RAB15: variants seen among roughly 807,000 people sequenced by gnomAD.
RAB15 encodes the protein RAB15, member RAS oncogene family.
RAB15 carries 13 observed loss-of-function variants against 31.8 expected under a neutral mutation model. The ratio of observed to expected loss-of-function variants is 0.41; its 90% CI spans 0.27 to 0.65. RAB15 has a LOEUF of 0.65. Among genes scored for constraint, RAB15 ranks in the 30% least tolerant of loss-of-function variants. The probability of loss-of-function intolerance (pLI) is 0.32; values close to 1 mark genes in which losing one functional copy is unlikely to be tolerated. For missense variants in RAB15, 220 were observed against 277.3 expected (o/e 0.79, Z 1.47); for synonymous variants, 100 against 105.6 (o/e 0.95, Z 0.33).
In RAB15 at chr14:64,955,006, CCTT is replaced by C. The variant is rs1337914724; in HGVS notation, c.125-2438_125-2436del. On this transcript the variant is annotated intron_variant, in intron 1 of 6. Coordinates refer to ENST00000533601, the MANE Select transcript of RAB15 (RefSeq NM_001308154.2). The surrounding 1 kb of genome is among the most constrained non-coding windows in gnomAD (Gnocchi z 4.4). ...CCGGAAGTGAGGCTGGGCAGTGACT[CCTT>C]CTCACCTCCTCCCTCACTTCTTAGC... Among the ~76,000 whole-genome samples, 5 of 152,050 alleles carry C rather than the reference CCTT, an allele frequency of 3.3e-5. No individual in the cohort carries two copies. Among genetic ancestry groups the C allele is most frequent in the East Asian group, 1.9e-4 (1 of 5,192 alleles).
At position 64,971,681 on chromosome 14, in the gene RAB15, G is replaced by C; in HGVS notation, c.124+272C>G. ...GCTCGGGGTACCCAGGCCTACACCA[G>C]CTCCCCTCACCCCCGGTTTCTCGGT... On this transcript the variant is annotated intron_variant, in intron 1 of 6. Transcript: ENST00000533601. This position sits in a 1 kb window ranked among gnomAD's most constrained non-coding sequence, Gnocchi z 4.1. The C allele has an allele frequency of 3.9e-6, 2 of 509,356 alleles. No homozygotes were observed. Among genetic ancestry groups the C allele is most frequent in the Non-Finnish European group, 7.1e-6 (2 of 281,518 alleles). 31.6% of individuals were successfully genotyped at this position (509,356 alleles called of 1,614,324 possible).
Position 64,953,657 on chromosome 14 carries a change from C to T in RAB15, c.125-1086G>A. The T allele has an allele frequency of 5.9e-6, 2 of 336,260 alleles. No individual in the cohort carries two copies. Among genetic ancestry groups the T allele is most frequent in the Non-Finnish European group, 8.5e-6 (2 of 236,568 alleles). The allele number at this position is 336,260 out of a possible 1,614,324, so 20.8% of individuals were successfully genotyped here. The stretch of plus-strand genomic sequence containing the variant: ...AGTCAGCACCACCAGCAGCAGCCAG[C>T]TTGACTCTGAGTGACAACAGAGAGA... On this transcript the variant is annotated intron_variant, in intron 1 of 6. Transcript: ENST00000533601. The surrounding 1 kb of genome is among the most constrained non-coding windows in gnomAD (Gnocchi z 4.6).
chr14:64,949,242 CAT>C (rs1886094828), intron 5 of RAB15, among the ~76,000 whole-genome samples: 2 of 152,240 alleles, frequency 1.3e-5, no homozygotes, highest in African/African-American at 2.4e-5. Flanking sequence ...CAGTGCCACA[CAT>C]AGAGTGCTCA....
chr14:64,956,228 C>A (rs948182716), intron 1 of RAB15, among the ~76,000 whole-genome samples: 1 of 151,768 alleles, frequency 6.6e-6, no homozygotes, highest in Non-Finnish European at 1.5e-5. Flanking sequence ...CATGGTGAAA[C>A]CCCCGTCTCT....
chr14:64,970,199 C>T lies in RAB15; in HGVS notation c.124+1754G>A, dbSNP rs116395325. Among the ~76,000 whole-genome samples, 2,150 of 152,320 alleles carry T rather than the reference C, an allele frequency of 0.014. 56 individuals carry two copies. The highest frequency in any genetic ancestry group is 0.049 in the African/African-American group (2,042 of 41,556). The stretch of plus-strand genomic sequence containing the variant: ...GGAGATAGCTCAGTAGTTCCAAGCA[C>T]CAGGCCTCTCCCAAAAATAGCCACT... On this transcript the variant is annotated intron_variant, in intron 1 of 6. Transcript: ENST00000533601. This position sits in a 1 kb window ranked among gnomAD's most constrained non-coding sequence, Gnocchi z 4.1.
In RAB15 at chr14:64,962,681, C is replaced by A. The variant is rs1004002597; in HGVS notation, c.124+9272G>T. On this transcript the variant is annotated intron_variant, in intron 1 of 6. Transcript: ENST00000533601. This position sits in a 1 kb window ranked among gnomAD's most constrained non-coding sequence, Gnocchi z 4.2. ...ATCAGGTAGAGGAAGCAGCAAAGATCCTGTGGCAGGACACATTTCAGTCAA... is the reference window on the plus strand; with the variant it reads ...ATCAGGTAGAGGAAGCAGCAAAGATACTGTGGCAGGACACATTTCAGTCAA... 1.3e-5 allele frequency among the ~76,000 whole-genome samples: 2 copies of A among 152,144 alleles called. No individual in the cohort carries two copies. The highest frequency in any genetic ancestry group is 1.3e-4 in the Admixed American group (2 of 15,280).
rs767983475 is a variant in RAB15 at position 64,950,945 on chromosome 14, A to G, written c.324+129T>C. The G allele has an allele frequency of 1.9e-6, 3 of 1,609,994 alleles. No homozygotes were observed. The highest frequency in any genetic ancestry group is 2.5e-6 in the Non-Finnish European group (3 of 1,176,842). On this transcript the variant is annotated intron_variant, in intron 4 of 6. Transcript: ENST00000533601. The surrounding 1 kb of genome is among the most constrained non-coding windows in gnomAD (Gnocchi z 5.6). ...TTTCTTCCCCATGTCTTACTCACCCAGAGGTCTTCATCCAGGGCTGTGGAA... is the reference window on the plus strand; with the variant it reads ...TTTCTTCCCCATGTCTTACTCACCCGGAGGTCTTCATCCAGGGCTGTGGAA...
At position 64,951,811 on chromosome 14, in the gene RAB15, C is replaced by A; in HGVS notation, c.186-148G>T. On this transcript the variant is annotated intron_variant, in intron 2 of 6. Coordinates refer to ENST00000533601, the MANE Select transcript of RAB15 (RefSeq NM_001308154.2). This position sits in a 1 kb window ranked among gnomAD's most constrained non-coding sequence, Gnocchi z 7.2. ...TTGGATCCCCACAGGGATCTGCAGTCAGAGGCCTGGTCATCTGTGCTGGTG... is the reference window on the plus strand; with the variant it reads ...TTGGATCCCCACAGGGATCTGCAGTAAGAGGCCTGGTCATCTGTGCTGGTG... 1.4e-6 allele frequency: 1 copy of A among 711,184 alleles called. No homozygotes were observed. The highest frequency in any genetic ancestry group is 1.6e-5 in the South Asian group (1 of 62,832). 44.1% of individuals were successfully genotyped at this position (711,184 alleles called of 1,614,324 possible). A position where few individuals can be genotyped will look rare whatever the true frequency, so the allele number is the denominator to read the frequency against.
At chr14:64,961,664 T>C (rs1886866004) in intron 1 of RAB15, among the ~76,000 whole-genome samples, 1 of 152,144 alleles carries the variant, frequency 6.6e-6, no homozygotes. Flanking sequence ...ACCCAGCACT[T>C]TGGGAAGCCA....
At chr14:64,949,174 A>G (rs1886089745) in intron 5 of RAB15, among the ~76,000 whole-genome samples, 1 of 152,182 alleles carries the variant, frequency 6.6e-6, no homozygotes, top group Admixed American at 6.5e-5. Flanking sequence ...TGTGTCTCCC[A>G]TCCATGGTTG....
At position 64,948,648 on chromosome 14, in the gene RAB15, C is replaced by T. The variant is rs1886506; in HGVS notation, c.480+20G>A. 0.16 allele frequency: 252,576 copies of T among 1,613,376 alleles called. 21,252 individuals are homozygous for T. Among genetic ancestry groups the T allele is most frequent in the Non-Finnish European group, 0.17 (197,922 of 1,179,396 alleles). ...GGACTCAGCCCGAGAGAGCGGGCGCCTGGTCACCAGGGCTCTCACCTCTTT... is the reference window on the plus strand; with the variant it reads ...GGACTCAGCCCGAGAGAGCGGGCGCTTGGTCACCAGGGCTCTCACCTCTTT... On this transcript the variant is annotated intron_variant, in intron 6 of 6. Coordinates refer to ENST00000533601, the MANE Select transcript of RAB15 (RefSeq NM_001308154.2). The surrounding 1 kb of genome is among the most constrained non-coding windows in gnomAD (Gnocchi z 7.0).
At position 64,948,850 on chromosome 14, in the gene RAB15, A is replaced by T. The variant is rs1393279188; in HGVS notation, c.415-117T>A. On this transcript the variant is annotated intron_variant, in intron 5 of 6. Transcript: ENST00000533601. The surrounding 1 kb of genome is among the most constrained non-coding windows in gnomAD (Gnocchi z 7.0). ...CCATGCTGTGTTGTGACGATTTCTCAGAGTAGATAATTTCTCAGATGGGAC... is the reference window on the plus strand; with the variant it reads ...CCATGCTGTGTTGTGACGATTTCTCTGAGTAGATAATTTCTCAGATGGGAC... 16 of 869,718 alleles carry T rather than the reference A, an allele frequency of 1.8e-5. No individual in the cohort carries two copies. Among genetic ancestry groups the T allele is most frequent in the Non-Finnish European group, 2.9e-5 (16 of 547,240 alleles). The allele number at this position is 869,718 out of a possible 1,614,324, so 53.9% of individuals were successfully genotyped here. A position where few individuals can be genotyped will look rare whatever the true frequency, so the allele number is the denominator to read the frequency against.
chr14:64,950,466 AT>A lies in RAB15; in HGVS notation c.325-53del, dbSNP rs773828429. 6.9e-7 allele frequency: 1 copy of A among 1,458,718 alleles called. No individual in the cohort carries two copies. Among genetic ancestry groups the A allele is most frequent in the East Asian group, 2.3e-5 (1 of 44,048 alleles). The allele number at this position is 1,458,718 out of a possible 1,614,324, so 90.4% of individuals were successfully genotyped here. On this transcript the variant is annotated intron_variant, in intron 4 of 6. Coordinates refer to ENST00000533601, the MANE Select transcript of RAB15 (RefSeq NM_001308154.2). This position sits in a 1 kb window ranked among gnomAD's most constrained non-coding sequence, Gnocchi z 5.6. ...CCAGTGAGTGCTGCCTGCCCCCCCA[AT>A]TTTCCCTACAGAGTCTGCACTGCCT...
At position 64,952,821 on chromosome 14, in the gene RAB15, G is replaced by A. The variant is rs1369406321; in HGVS notation, c.125-250C>T. Among the ~76,000 whole-genome samples, 4 of 152,206 alleles carry A rather than the reference G, an allele frequency of 2.6e-5. No individual in the cohort carries two copies. The highest frequency in any genetic ancestry group is 2.6e-4 in the Admixed American group (4 of 15,282). ...CCCTGGGGGACCCAGAGGAGGGAGA[G>A]TGAATCTGGGGAAATCTACTTCATC... On this transcript the variant is annotated intron_variant, in intron 1 of 6. Coordinates refer to ENST00000533601, the MANE Select transcript of RAB15 (RefSeq NM_001308154.2). This position sits in a 1 kb window ranked among gnomAD's most constrained non-coding sequence, Gnocchi z 4.2.
In RAB15 at chr14:64,951,573, C is replaced by T. The variant is rs202121487; in HGVS notation, c.246+30G>A. ...GCTGGGAGTGTGGGTGGCAGCTTCCCACTTTGAAACCCCCAATGTGGTGGC... is the reference window on the plus strand; with the variant it reads ...GCTGGGAGTGTGGGTGGCAGCTTCCTACTTTGAAACCCCCAATGTGGTGGC... On this transcript the variant is annotated intron_variant, in intron 3 of 6. Coordinates refer to ENST00000533601, the MANE Select transcript of RAB15 (RefSeq NM_001308154.2). This position sits in a 1 kb window ranked among gnomAD's most constrained non-coding sequence, Gnocchi z 7.2. 4.0e-5 allele frequency: 65 copies of T among 1,607,756 alleles called. No homozygotes were observed. In the Middle Eastern group the frequency reaches 4.9e-4, roughly 12 times the overall value.
Position 64,953,807 on chromosome 14 carries a change from A to G in RAB15, c.125-1236T>C, listed in dbSNP as rs867453387. ...GCTTACGTCTTTGTGTACTCCCTGG[A>G]GCAAGGTCAGGAGTGGGCATGATCA... On this transcript the variant is annotated intron_variant, in intron 1 of 6. Transcript: ENST00000533601. The surrounding 1 kb of genome is among the most constrained non-coding windows in gnomAD (Gnocchi z 4.6). The G allele has an allele frequency of 6.1e-6, 6 of 985,276 alleles. No homozygotes were observed. The African/African-American group carries it at 1.0e-4, about 17-fold the overall frequency. 61.0% of individuals were successfully genotyped at this position (985,276 alleles called of 1,614,324 possible). A position where few individuals can be genotyped will look rare whatever the true frequency, so the allele number is the denominator to read the frequency against.
intron 1 of RAB15, among the ~76,000 whole-genome samples, chr14:64,956,796 T>A (rs1375634359): frequency 6.6e-6 from 1 of 152,208 alleles, no homozygotes; most frequent in Non-Finnish European, 1.5e-5. Flanking sequence ...GTGGGTGATA[T>A]TAGATAGAAG....
In RAB15 at chr14:64,964,518, C is replaced by CAA. The variant is rs1257040368; in HGVS notation, c.124+7433_124+7434dup. 1.6e-3 allele frequency among the ~76,000 whole-genome samples: 115 copies of CAA among 71,924 alleles called. 2 individuals are homozygous for CAA. Among genetic ancestry groups the CAA allele is most frequent in the African/African-American group, 6.7e-3 (107 of 16,060 alleles). The allele number at this position is 71,924 out of a possible 152,430, so 47.2% of individuals were successfully genotyped here. On this transcript the variant is annotated intron_variant, in intron 1 of 6. Coordinates refer to ENST00000533601, the MANE Select transcript of RAB15 (RefSeq NM_001308154.2). ...CTGGTGACAGAGCAAGACTCTGTTTCAAAAAAAAAAAAGAAAAAAAGAAAA... is the reference window on the plus strand; with the variant it reads ...CTGGTGACAGAGCAAGACTCTGTTTCAAAAAAAAAAAAAAGAAAAAAAGAAAA...
In RAB15 at chr14:64,948,299, G is replaced by A. The variant is rs1886024631; in HGVS notation, c.*55C>T. 14 of 1,442,674 alleles carry A rather than the reference G, an allele frequency of 9.7e-6. No individual in the cohort carries two copies. The highest frequency in any genetic ancestry group is 1.9e-4 in the Middle Eastern group (1 of 5,382). The allele number at this position is 1,442,674 out of a possible 1,614,324, so 89.4% of individuals were successfully genotyped here. On this transcript the variant is annotated 3_prime_UTR_variant, in exon 7 of 7. Transcript: ENST00000533601. The surrounding 1 kb of genome is among the most constrained non-coding windows in gnomAD (Gnocchi z 7.0). ...GGGCAAAGCCCCGGCTCCCCTGTCTGCCCACGGGCCTCCTGAGGGAAGAGG... is the reference window on the plus strand; with the variant it reads ...GGGCAAAGCCCCGGCTCCCCTGTCTACCCACGGGCCTCCTGAGGGAAGAGG...
Sources: allele counts gnomAD v4.1 joint callset (sites outside exome capture counted in the v4.1 genomes callset), GRCh38; gene constraint gnomAD v4.1.1; non-coding constraint Gnocchi (gnomAD v3.1); transcripts MANE v1.5; gene names NCBI Gene and HGNC (gene_info 2026-07-23, HGNC 2026-07-21).